Variants in TRDN observed in about 807,000 individuals in gnomAD.
TRDN encodes triadin in skeletal muscle.
A neutral mutation model predicts 149.7 loss-of-function variants in TRDN; 161 were observed. The ratio of observed to expected loss-of-function variants is 1.08; its 90% CI spans 0.95 to 1.23. The LOEUF is 1.23. Ranked by LOEUF, TRDN falls within the 50% of genes most tolerant of loss-of-function variation. The pLI, the probability that TRDN is intolerant of heterozygous loss-of-function variation, is 0.00. For synonymous variants in TRDN, 294 were observed against 250.5 expected (o/e 1.17, Z -1.64); for missense variants, 896 against 823.5 (o/e 1.09, Z -1.08).
At chr6:123,326,558 T>C (rs1347338103) in intron 23 of TRDN, among the ~76,000 whole-genome samples, 1 of 145,838 alleles carries the variant, frequency 6.9e-6, no homozygotes, top group East Asian at 2.0e-4. Context: ...AATTTTCTTA[T>C]AGACATACAC....
chr6:123,591,220 CATT>C (rs1783764151), intron 1 of TRDN, among the ~76,000 whole-genome samples: 1 of 151,998 alleles, frequency 6.6e-6, no homozygotes, highest in African/African-American at 2.4e-5. Context: ...ATTAACATAT[CATT>C]ATATTTGTTT....
chr6:123,577,855 T>G (rs1164482784), intron 1 of TRDN, among the ~76,000 whole-genome samples: 8 of 152,180 alleles, frequency 5.3e-5, no homozygotes, highest in Admixed American at 3.3e-4. Context: ...AGTATCTCAT[T>G]GTAGTTTTCA....
chr6:123,351,587 C>T, intron 21 of TRDN: 1 of 974,000 alleles, frequency 1.0e-6, no homozygotes, highest in African/African-American at 1.8e-5. Flanking sequence ...AAATTCTTAA[C>T]CAATCTTTTT....
intron 9 of TRDN, among the ~76,000 whole-genome samples, chr6:123,468,409 T>C (rs1776958482): frequency 6.6e-6 from 1 of 152,174 alleles, no homozygotes; most frequent in Non-Finnish European, 1.5e-5. Context: ...CTTATTTCCA[T>C]AATACCTGAA....
intron 19 of TRDN, among the ~76,000 whole-genome samples, chr6:123,367,692 A>C (rs904273908): frequency 6.6e-6 from 1 of 152,188 alleles, no homozygotes; most frequent in Non-Finnish European, 1.5e-5. Flanking sequence ...TTCACGCTGG[A>C]GGGCTATTGA....
At chr6:123,448,586 C>T (rs1775549481) in intron 10 of TRDN, among the ~76,000 whole-genome samples, 1 of 152,080 alleles carries the variant, frequency 6.6e-6, no homozygotes, top group Non-Finnish European at 1.5e-5. Flanking sequence ...GCAAGACCCA[C>T]CCAAGGAGAG....
intron 1 of TRDN, among the ~76,000 whole-genome samples, chr6:123,610,390 GC>G (rs1228480363): frequency 6.6e-6 from 1 of 152,102 alleles, no homozygotes; most frequent in Admixed American, 6.6e-5. Flanking sequence ...CCCAGGAAGA[GC>G]TTTGAGTTAC....
At chr6:123,633,136 AG>A (rs1243885986) in intron 1 of TRDN, among the ~76,000 whole-genome samples, 1 of 152,102 alleles carries the variant, frequency 6.6e-6, no homozygotes, top group Non-Finnish European at 1.5e-5. Flanking sequence ...TTAAATAAAA[AG>A]CTTTCTTGAA....
chr6:123,424,414 G>C (rs961018858), intron 12 of TRDN, among the ~76,000 whole-genome samples: 9 of 151,670 alleles, frequency 5.9e-5, no homozygotes, highest in African/African-American at 2.2e-4. Context: ...CTTTTCATAT[G>C]CATTATGTTT....
At chr6:123,456,266 G>A (rs1583061920) in intron 10 of TRDN, among the ~76,000 whole-genome samples, 1 of 152,066 alleles carries the variant, frequency 6.6e-6, no homozygotes, top group Admixed American at 6.6e-5. Context: ...CCCATATAAA[G>A]ACCACAACTT....
At chr6:123,257,155 T>A (rs1340564067) in intron 35 of TRDN, among the ~76,000 whole-genome samples, 2 of 151,940 alleles carry the variant, frequency 1.3e-5, no homozygotes, top group African/African-American at 4.8e-5. Context: ...AATTTTTGTA[T>A]TTTTAGTAGA....
chr6:123,508,521 A>G (rs1723695807), intron 7 of TRDN, among the ~76,000 whole-genome samples: 1 of 152,158 alleles, frequency 6.6e-6, no homozygotes, highest in Non-Finnish European at 1.5e-5. Flanking sequence ...CATCAATTAG[A>G]CAGCCTGGCC....
chr6:123,563,765 G>T (rs575137921), intron 2 of TRDN, among the ~76,000 whole-genome samples: 19 of 152,256 alleles, frequency 1.2e-4, no homozygotes, highest in African/African-American at 4.6e-4. Flanking sequence ...GTTTAATGAA[G>T]TTGAGGTTTA....
intron 31 of TRDN, 32 bp from the exon 32 acceptor site, chr6:123,267,783 C>A: frequency 6.5e-7 from 1 of 1,529,728 alleles, no homozygotes; most frequent in Non-Finnish European, 8.8e-7. Flanking sequence ...CACTGGCAAT[C>A]TGTGGATTCT....
intron 33 of TRDN, among the ~76,000 whole-genome samples, chr6:123,262,370 T>G (rs1276794449): frequency 6.6e-6 from 1 of 151,810 alleles, no homozygotes; most frequent in Non-Finnish European, 1.5e-5. Context: ...TGTCTTTTGT[T>G]TTTGTTTTGT....
intron 35 of TRDN, among the ~76,000 whole-genome samples, chr6:123,258,564 G>A (rs1420551850): frequency 2.0e-5 from 3 of 152,068 alleles, no homozygotes; most frequent in East Asian, 1.9e-4. Flanking sequence ...TTTTCGCATC[G>A]ATATTCATCA....
At chr6:123,597,095 T>G (rs1173016437) in intron 1 of TRDN, among the ~76,000 whole-genome samples, 1 of 152,112 alleles carries the variant, frequency 6.6e-6, no homozygotes, top group Non-Finnish European at 1.5e-5. Flanking sequence ...GATTCACCAT[T>G]CTATATGCCA....
intron 1 of TRDN, among the ~76,000 whole-genome samples, chr6:123,607,657 T>C (rs1222264077): frequency 2.6e-5 from 4 of 152,206 alleles, no homozygotes. Flanking sequence ...ATAGAAATTA[T>C]ACAACTTGCA....
intron 38 of TRDN, among the ~76,000 whole-genome samples, chr6:123,230,246 A>G (rs749392125): frequency 2.6e-5 from 4 of 152,020 alleles, no homozygotes; most frequent in Non-Finnish European, 5.9e-5. Context: ...AGGGACATGG[A>G]TGAACCTGGA....
Sources: gnomAD v4.1 joint callset for allele counts (sites outside exome capture counted in the v4.1 genomes callset) on GRCh38, gnomAD v4.1.1 for gene constraint, MANE v1.5 for transcripts, NCBI Gene and HGNC (gene_info 2026-07-23, HGNC 2026-07-21) for gene names.